SH3D19: variants seen among roughly 807,000 people sequenced by gnomAD.
The protein encoded by SH3D19 is SH3 domain containing 19.
SH3D19 carries 58 observed loss-of-function variants against 112.1 expected under a neutral mutation model. That is an observed-to-expected ratio of 0.52 (90% CI 0.42 to 0.64). The LOEUF is 0.64. Among genes scored for constraint, SH3D19 ranks in the 30% least tolerant of loss-of-function variants. The pLI, the probability that SH3D19 is intolerant of heterozygous loss-of-function variation, is 0.00. For synonymous variants in SH3D19, 391 were observed against 448.5 expected, an observed-to-expected ratio of 0.87 and a Z score of 1.62; for missense variants, 1,090 against 1,263.4, an observed-to-expected ratio of 0.86 and a Z score of 2.08.
At chr4:151,139,684 G>A in intron 13 of SH3D19, 91 bp downstream of exon 13, 1 of 1,121,002 alleles carries the variant, frequency 8.9e-7, no homozygotes, top group Non-Finnish European at 1.3e-6. Context: ...GAAAAATGAA[G>A]AAGGATGTCC....
intron 1 of SH3D19, among the ~76,000 whole-genome samples, chr4:151,310,415 G>C (rs1729335215): frequency 6.6e-6 from 1 of 151,988 alleles, no homozygotes; most frequent in Non-Finnish European, 1.5e-5. Context: ...GTGTTGGCAA[G>C]GATGTGAAGA....
chr4:151,281,719 C>G (rs898421205), intron 1 of SH3D19, among the ~76,000 whole-genome samples: 1 of 151,908 alleles, frequency 6.6e-6, no homozygotes, highest in Non-Finnish European at 1.5e-5. Context: ...ATCAAATTAC[C>G]TGGCATTTTA....
intron 1 of SH3D19, chr4:151,280,055 A>ACTG: frequency 7.2e-7 from 1 of 1,379,884 alleles, no homozygotes; most frequent in Non-Finnish European, 1.0e-6. Flanking sequence ...GTGGTAAAAT[A>ACTG]GGCAGGGCGG....
At chr4:151,166,571 T>C (rs1013525857) in intron 7 of SH3D19, among the ~76,000 whole-genome samples, 4 of 152,128 alleles carry the variant, frequency 2.6e-5, no homozygotes, top group Non-Finnish European at 5.9e-5. Flanking sequence ...ATGGATATTC[T>C]ACTCAGCACA....
chr4:151,144,782 T>A (rs986856957), intron 11 of SH3D19, among the ~76,000 whole-genome samples: 10 of 152,234 alleles, frequency 6.6e-5, no homozygotes, highest in Non-Finnish European at 1.5e-4. Flanking sequence ...TTTCATGGCC[T>A]GATCCCAGCC....
intron 1 of SH3D19, among the ~76,000 whole-genome samples, chr4:151,323,539 C>A (rs1409846195): frequency 6.6e-6 from 1 of 152,052 alleles, no homozygotes; most frequent in Non-Finnish European, 1.5e-5. Context: ...GAAATAAATC[C>A]AAAAATCGCA....
chr4:151,236,243 A>C (rs1452548769), intron 1 of SH3D19, among the ~76,000 whole-genome samples: 1 of 152,266 alleles, frequency 6.6e-6, no homozygotes, highest in Non-Finnish European at 1.5e-5. Context: ...GGAGAGGTGC[A>C]AGCGGGAGCC....
At chr4:151,195,460 A>C (rs114687293) in intron 2 of SH3D19, among the ~76,000 whole-genome samples, 143 of 151,858 alleles carry the variant, frequency 9.4e-4, no homozygotes, top group African/African-American at 3.1e-3. Flanking sequence ...ATGTTATTCC[A>C]GGCATTGTGC....
intron 7 of SH3D19, among the ~76,000 whole-genome samples, chr4:151,166,625 G>A (rs144828912): frequency 2.8e-4 from 43 of 152,132 alleles, no homozygotes; most frequent in African/African-American, 9.4e-4. Flanking sequence ...AACAAGAGGC[G>A]AAATGAGTAT....
chr4:151,319,030 T>A (rs149499117), intron 1 of SH3D19, among the ~76,000 whole-genome samples: 16 of 152,318 alleles, frequency 1.1e-4, no homozygotes, highest in African/African-American at 3.6e-4. Flanking sequence ...ATACATTATA[T>A]TGATGGGGAT....
chr4:151,292,456 C>A (rs1273375665), intron 1 of SH3D19, among the ~76,000 whole-genome samples: 1 of 152,184 alleles, frequency 6.6e-6, no homozygotes, highest in Non-Finnish European at 1.5e-5. Flanking sequence ...TGGGTTTCAA[C>A]AATCTGGACC....
Position 151,132,458 on chromosome 4 carries a change from G to A in SH3D19, c.2690-75C>T. 3.0e-6 allele frequency: 4 copies of A among 1,334,256 alleles called. No homozygotes were observed. In the South Asian group the frequency reaches 3.6e-5, roughly 12 times the overall value. The allele number at this position is 1,334,256 out of a possible 1,614,324, so 82.7% of individuals were successfully genotyped here. ...AGGCCACATAGTATTAAAAACAAATGGTTGAGGTGGGAGGTGGGAGTGAAG... is the reference window on the plus strand; with the variant it reads ...AGGCCACATAGTATTAAAAACAAATAGTTGAGGTGGGAGGTGGGAGTGAAG... On this transcript the variant is annotated intron_variant, in intron 16 of 19. Transcript: ENST00000604030.
intron 7 of SH3D19, chr4:151,170,741 T>C (rs1758902953): frequency 6.6e-6 from 1 of 152,200 alleles, no homozygotes; most frequent in South Asian, 2.1e-4. Context: ...TCAGCTCTTT[T>C]AAAAAGATTA....
intron 1 of SH3D19, chr4:151,277,363 A>G (rs1773736770): frequency 1.2e-5 from 6 of 520,854 alleles, no homozygotes; most frequent in Non-Finnish European, 1.5e-5. Context: ...AGAGGCTACT[A>G]TATACCCAGC....
At chr4:151,241,114 A>G (rs1412246156) in intron 1 of SH3D19, among the ~76,000 whole-genome samples, 1 of 47,764 alleles carries the variant, frequency 2.1e-5, no homozygotes. Flanking sequence ...GTGAAACGTG[A>G]TCTCTACAAA....
intron 7 of SH3D19, among the ~76,000 whole-genome samples, chr4:151,167,594 G>A (rs1233623140): frequency 2.0e-5 from 3 of 152,098 alleles, no homozygotes; most frequent in Admixed American, 2.0e-4. Flanking sequence ...TAGCAGTTTT[G>A]TTCATTCAAT....
rs1446105186 is a variant in SH3D19, at chr4:151,174,940, G to T, written c.1264C>A (p.Pro422Thr). ...GKKVPTPAPR[P>T]LLLKKSVSSE... Reference sequence around the variant, plus strand: ...GAAACAGATTTCTTCAGCAGCAAAGGCCGCGGGGCAGGAGTTGGCACTTTC... The same window carrying T: ...GAAACAGATTTCTTCAGCAGCAAAGTCCGCGGGGCAGGAGTTGGCACTTTC... Residue 422 changes from proline to threonine, a missense_variant, in exon 7 of 20, where the codon CCT (proline) becomes ACT (threonine). Pro to Thr is a conservative substitution (Grantham distance 38). Transcript: ENST00000604030. The T allele has an allele frequency of 6.8e-6, 11 of 1,613,878 alleles. No homozygotes were observed. The highest frequency in any genetic ancestry group is 1.3e-5 in the African/African-American group (1 of 74,930).
At chr4:151,255,609 A>G (rs1471343617) in intron 1 of SH3D19, among the ~76,000 whole-genome samples, 1 of 151,806 alleles carries the variant, frequency 6.6e-6, no homozygotes, top group Non-Finnish European at 1.5e-5. Flanking sequence ...GACGCTCCTC[A>G]CTTCCCAGAC....
Position 151,142,673 on chromosome 4 carries a change from C to A in SH3D19, c.2223+1237G>T, listed in dbSNP as rs536855452. 2.0e-5 allele frequency among the ~76,000 whole-genome samples: 3 copies of A among 152,246 alleles called. No homozygotes were observed. In the South Asian group the frequency reaches 6.2e-4, roughly 32 times the overall value. On this transcript the variant is annotated intron_variant, in intron 12 of 19. Coordinates refer to ENST00000604030, the MANE Select transcript of SH3D19 (RefSeq NM_001378122.1). The stretch of plus-strand genomic sequence containing the variant: ...TCCCATGATCTGTCTGATTCAACCA[C>A]AACTGGTCATGTTCATTCAATATTT...
Sources: gnomAD v4.1 joint callset for allele counts (sites outside exome capture counted in the v4.1 genomes callset) on GRCh38, gnomAD v4.1.1 for gene constraint, MANE v1.5 for transcripts, NCBI Gene and HGNC (gene_info 2026-07-23, HGNC 2026-07-21) for gene names.